Variants in HS6ST3 observed in about 807,000 individuals in gnomAD.
The protein encoded by HS6ST3 is heparan-sulfate 6-O-sulfotransferase 3.
Under a neutral mutation model 36.7 loss-of-function variants are expected in HS6ST3, and 12 were observed. The observed-to-expected ratio is 0.33, with a 90% CI of 0.21 to 0.53. HS6ST3 has a LOEUF of 0.53. Among genes scored for constraint, HS6ST3 ranks in the 20% least tolerant of loss-of-function variants. The probability of loss-of-function intolerance (pLI) is 0.95; values close to 1 mark genes in which losing one functional copy is unlikely to be tolerated. For synonymous variants in HS6ST3, 240 were observed against 257.5 expected (o/e 0.93, Z 0.65); for missense variants, 584 against 640.9 (o/e 0.91, Z 0.96).
At chr13:96,610,252 C>A (rs574764155) in intron 1 of HS6ST3, among the ~76,000 whole-genome samples, 408 of 152,294 alleles carry the variant, frequency 2.7e-3, no homozygotes, top group Non-Finnish European at 4.2e-3. Flanking sequence ...AGATTTTATA[C>A]ATAAAATGTT....
chr13:96,577,424 T>C (rs2056325890), intron 1 of HS6ST3, among the ~76,000 whole-genome samples: 1 of 152,186 alleles, frequency 6.6e-6, no homozygotes, highest in Admixed American at 6.5e-5. Context: ...TTGATGTAGA[T>C]TTAGGTTGGT....
At chr13:96,332,044 G>A (rs1301939017) in intron 1 of HS6ST3, among the ~76,000 whole-genome samples, 2 of 152,142 alleles carry the variant, frequency 1.3e-5, no homozygotes, top group East Asian at 1.9e-4. Context: ...TTCGGCTCGC[G>A]CAGGGTGCAC....
intron 1 of HS6ST3, among the ~76,000 whole-genome samples, chr13:96,328,544 G>A (rs868708296): frequency 0.011 from 1,697 of 152,070 alleles, 30 homozygotes; most frequent in African/African-American, 0.039. Flanking sequence ...CTTGATCATG[G>A]TGGATGAGCT....
At chr13:96,563,174 A>G (rs1049996264) in intron 1 of HS6ST3, among the ~76,000 whole-genome samples, 1 of 152,184 alleles carries the variant, frequency 6.6e-6, no homozygotes, top group Non-Finnish European at 1.5e-5. Flanking sequence ...GTATTTTAAT[A>G]AAAAGAATCC....
rs545784038 is a variant in HS6ST3, at chr13:96,788,632, A to G, written c.708-43858A>G. On this transcript the variant is annotated intron_variant, in intron 1 of 1. Coordinates refer to ENST00000376705, the MANE Select transcript of HS6ST3 (RefSeq NM_153456.4). The stretch of plus-strand genomic sequence containing the variant: ...CTTGTTACAGTGGTAAATGAGGGGA[A>G]CATATTGAATTGTGACTTGCCTGTT... Among the ~76,000 whole-genome samples, 13 of 152,068 alleles carry G rather than the reference A, an allele frequency of 8.5e-5. No homozygotes were observed. In the South Asian group the frequency reaches 2.3e-3, roughly 27 times the overall value.
chr13:96,580,514 G>A (rs1441285717), intron 1 of HS6ST3, among the ~76,000 whole-genome samples: 2 of 151,694 alleles, frequency 1.3e-5, no homozygotes, highest in African/African-American at 4.8e-5. Flanking sequence ...GGAAAACACA[G>A]ATTGTTTGCT....
intron 1 of HS6ST3, among the ~76,000 whole-genome samples, chr13:96,533,334 C>G (rs182855654): frequency 6.6e-6 from 1 of 152,258 alleles, no homozygotes; most frequent in East Asian, 1.9e-4. Context: ...TCTCATTCCT[C>G]AGAGTTTCAG....
At chr13:96,576,816 C>G (rs1019700139) in intron 1 of HS6ST3, among the ~76,000 whole-genome samples, 2 of 151,702 alleles carry the variant, frequency 1.3e-5, no homozygotes, top group Admixed American at 6.6e-5. Flanking sequence ...TGGTGACATG[C>G]GCCTGTAATC....
At chr13:96,790,330 G>C (rs1348962152) in intron 1 of HS6ST3, among the ~76,000 whole-genome samples, 1 of 147,786 alleles carries the variant, frequency 6.8e-6, no homozygotes, top group Non-Finnish European at 1.5e-5. Flanking sequence ...ACTATATACA[G>C]CACTTATAGT....
chr13:96,405,222 G>C (rs527965536), intron 1 of HS6ST3, among the ~76,000 whole-genome samples: 1 of 152,206 alleles, frequency 6.6e-6, no homozygotes, highest in South Asian at 2.1e-4. Context: ...TTTTCCTCAA[G>C]TTTAGAGTTA....
chr13:96,834,146 A>G lies in HS6ST3; in HGVS notation c.*948A>G, dbSNP rs1428307386. The G allele has an allele frequency of 1.3e-5, 2 of 152,226 alleles. No individual in the cohort carries two copies. Among genetic ancestry groups the G allele is most frequent in the African/African-American group, 4.8e-5 (2 of 41,446 alleles). 9.4% of individuals were successfully genotyped at this position (152,226 alleles called of 1,614,324 possible). Reference sequence around the variant, plus strand: ...TCTTTTTGGAGAAGTTATGTTCTTTAATCGGGTACTACCAGTCTTGAAATT... The same window carrying G: ...TCTTTTTGGAGAAGTTATGTTCTTTGATCGGGTACTACCAGTCTTGAAATT... On this transcript the variant is annotated 3_prime_UTR_variant, in exon 2 of 2. Coordinates refer to ENST00000376705, the MANE Select transcript of HS6ST3 (RefSeq NM_153456.4).
intron 1 of HS6ST3, among the ~76,000 whole-genome samples, chr13:96,601,499 T>C (rs1422671136): frequency 6.6e-6 from 1 of 152,096 alleles, no homozygotes; most frequent in Non-Finnish European, 1.5e-5. Context: ...ATATCTTTAA[T>C]GTTTCTTATT....
intron 1 of HS6ST3, among the ~76,000 whole-genome samples, chr13:96,533,564 T>A (rs1398114370): frequency 6.6e-6 from 1 of 152,196 alleles, no homozygotes; most frequent in Non-Finnish European, 1.5e-5. Flanking sequence ...ATCCATCATT[T>A]CCACTTCAGA....
chr13:96,298,803 G>A (rs1023837966), intron 1 of HS6ST3, among the ~76,000 whole-genome samples: 1 of 152,084 alleles, frequency 6.6e-6, no homozygotes, highest in African/African-American at 2.4e-5. Flanking sequence ...GTGAAGCTGA[G>A]TACCTATTCT....
intron 1 of HS6ST3, among the ~76,000 whole-genome samples, chr13:96,190,922 AG>A (rs1231965458): frequency 8.9e-6 from 1 of 111,844 alleles, no homozygotes; most frequent in African/African-American, 3.8e-5. Context: ...GAGTGACACA[AG>A]GCTAGATGGG....
At chr13:96,643,332 G>T (rs1330712236) in intron 1 of HS6ST3, among the ~76,000 whole-genome samples, 1 of 151,836 alleles carries the variant, frequency 6.6e-6, no homozygotes, top group Non-Finnish European at 1.5e-5. Flanking sequence ...CCAGCCAGAG[G>T]TTAGACTTTG....
At chr13:96,449,341 G>A (rs949416037) in intron 1 of HS6ST3, among the ~76,000 whole-genome samples, 4 of 152,152 alleles carry the variant, frequency 2.6e-5, no homozygotes, top group African/African-American at 9.7e-5. Flanking sequence ...TCCACTCCAG[G>A]AAGATACTGC....
In HS6ST3 at chr13:96,313,410, C is replaced by T. The variant is rs141524915; in HGVS notation, c.707+221841C>T. On this transcript the variant is annotated intron_variant, in intron 1 of 1. Transcript: ENST00000376705. Reference sequence around the variant, plus strand: ...ATCATGTTTAAAGGCTCCAGAGCTACCTCTTTGGAAAGCTCTTCTGTCAGA... The same window carrying T: ...ATCATGTTTAAAGGCTCCAGAGCTATCTCTTTGGAAAGCTCTTCTGTCAGA... Among the ~76,000 whole-genome samples, 19 of 151,952 alleles carry T rather than the reference C, an allele frequency of 1.3e-4. 1 individual carries two copies. The East Asian group carries it at 3.7e-3, about 29-fold the overall frequency.
chr13:96,502,053 G>C (rs536668608), intron 1 of HS6ST3, among the ~76,000 whole-genome samples: 1 of 152,288 alleles, frequency 6.6e-6, no homozygotes, highest in South Asian at 2.1e-4. Context: ...ATGACAGGTA[G>C]ATCTAACTTT....
Sources: gnomAD v4.1 joint callset for allele counts (sites outside exome capture counted in the v4.1 genomes callset) on GRCh38, gnomAD v4.1.1 for gene constraint, MANE v1.5 for transcripts, NCBI Gene and HGNC (gene_info 2026-07-23, HGNC 2026-07-21) for gene names.